TMEM131L: variants seen among roughly 807,000 people sequenced by gnomAD.
The protein encoded by TMEM131L is transmembrane 131 like.
A neutral mutation model predicts 192.2 loss-of-function variants in TMEM131L; 54 were observed. That is an observed-to-expected ratio of 0.28 (90% CI 0.23 to 0.35). TMEM131L has a LOEUF of 0.35. Among genes scored for constraint, TMEM131L ranks in the 10% least tolerant of loss-of-function variants. The pLI is 1.00. For synonymous variants in TMEM131L, 701 were observed against 704.9 expected (o/e 0.99, Z 0.09); for missense variants, 1,888 against 1,972.9 (o/e 0.96, Z 0.82).
chr4:153,469,003 G>A (rs551880476), intron 2 of TMEM131L, among the ~76,000 whole-genome samples: 8 of 152,138 alleles, frequency 5.3e-5, no homozygotes, highest in Non-Finnish European at 1.2e-4. Context: ...AGATTTAGTA[G>A]GTGTGCTCAG....
chr4:153,483,504 G>A (rs1016090375), intron 3 of TMEM131L, among the ~76,000 whole-genome samples: 1 of 151,956 alleles, frequency 6.6e-6, no homozygotes, highest in African/African-American at 2.4e-5. Flanking sequence ...CGATAGCAGC[G>A]TGGGTCACAA....
chr4:153,581,325 G>A (rs904366557), intron 8 of TMEM131L, 82 bp from the exon 9 acceptor site: 1 of 1,120,152 alleles, frequency 8.9e-7, no homozygotes, highest in Non-Finnish European at 1.3e-6. Context: ...TACGTTAAAT[G>A]CTTCTCCTTT....
chr4:153,605,954 T>A (rs76328453), intron 25 of TMEM131L, among the ~76,000 whole-genome samples: 4,296 of 152,260 alleles, frequency 0.028, 195 homozygotes, highest in African/African-American at 0.097. Context: ...AACCCGTTTG[T>A]ACCGTTTCCC....
At chr4:153,592,181 A>C (rs1391615119) in intron 17 of TMEM131L, among the ~76,000 whole-genome samples, 1 of 151,848 alleles carries the variant, frequency 6.6e-6, no homozygotes, top group Non-Finnish European at 1.5e-5. Context: ...AAGTGTTTTC[A>C]GAGATCCCAC....
chr4:153,573,541 T>C (rs375207774), intron 7 of TMEM131L, among the ~76,000 whole-genome samples: 11 of 152,356 alleles, frequency 7.2e-5, no homozygotes, highest in Middle Eastern at 3.4e-3. Context: ...CAGGTTGTAA[T>C]AGTTAAAAGC....
intron 25 of TMEM131L, among the ~76,000 whole-genome samples, chr4:153,609,233 T>TG (rs1470463257): frequency 6.6e-6 from 1 of 152,050 alleles, no homozygotes; most frequent in Non-Finnish European, 1.5e-5. Context: ...ACAGTTATGG[T>TG]GGAGGGGTAA....
At chr4:153,527,431 C>A (rs896137917) in intron 3 of TMEM131L, among the ~76,000 whole-genome samples, 3 of 152,078 alleles carry the variant, frequency 2.0e-5, no homozygotes, top group Admixed American at 6.5e-5. Flanking sequence ...CACCACCATG[C>A]CCGGCTAAGT....
intron 7 of TMEM131L, among the ~76,000 whole-genome samples, chr4:153,570,777 C>G (rs1402408836): frequency 2.0e-5 from 3 of 152,178 alleles, no homozygotes; most frequent in African/African-American, 7.2e-5. Flanking sequence ...CTTCTGAAAC[C>G]TGCTTCTTAG....
At chr4:153,533,833 C>T (rs751074029) in intron 3 of TMEM131L, among the ~76,000 whole-genome samples, 15 of 152,070 alleles carry the variant, frequency 9.9e-5, no homozygotes, top group Non-Finnish European at 1.6e-4. Flanking sequence ...TTACAGCATT[C>T]GTAATTTAGC....
At chr4:153,561,307 A>AT (rs1041555009) in intron 7 of TMEM131L, among the ~76,000 whole-genome samples, 6 of 152,042 alleles carry the variant, frequency 3.9e-5, no homozygotes, top group African/African-American at 9.7e-5. Context: ...GTTTGCAAAT[A>AT]TTTTCTCCCT....
intron 3 of TMEM131L, among the ~76,000 whole-genome samples, chr4:153,517,306 A>T (rs545880178): frequency 1.3e-5 from 2 of 152,190 alleles, no homozygotes; most frequent in Admixed American, 1.3e-4. Flanking sequence ...GACATCCCTT[A>T]ATCTAGGAAG....
At chr4:153,513,255 T>C (rs901414995) in intron 3 of TMEM131L, among the ~76,000 whole-genome samples, 3 of 152,220 alleles carry the variant, frequency 2.0e-5, no homozygotes, top group Non-Finnish European at 4.4e-5. Flanking sequence ...CATTTATTAA[T>C]ATATACTTAC....
intron 10 of TMEM131L, 52 bp downstream of exon 10, chr4:153,583,300 T>A: frequency 1.1e-6 from 1 of 951,832 alleles, no homozygotes; most frequent in Non-Finnish European, 1.7e-6. Context: ...AGTGTGCATT[T>A]AATTGTAGAA....
intron 3 of TMEM131L, among the ~76,000 whole-genome samples, chr4:153,532,079 T>A (rs1735940735): frequency 6.6e-6 from 1 of 152,214 alleles, no homozygotes; most frequent in African/African-American, 2.4e-5. Flanking sequence ...AGGGGTTATA[T>A]GTCAAATGGA....
chr4:153,507,711 CAAAACAAA>C (rs1430360941), intron 3 of TMEM131L, among the ~76,000 whole-genome samples: 1 of 151,890 alleles, frequency 6.6e-6, no homozygotes, highest in Non-Finnish European at 1.5e-5. Context: ...GAGTGAGATG[CAAAACAAA>C]AAAACAAACA....
chr4:153,626,447 C>T (rs1299181708), intron 30 of TMEM131L, among the ~76,000 whole-genome samples: 2 of 152,066 alleles, frequency 1.3e-5, no homozygotes, highest in African/African-American at 4.8e-5. Flanking sequence ...AGACAGGTAG[C>T]CACGTTGGAA....
intron 3 of TMEM131L, among the ~76,000 whole-genome samples, chr4:153,529,571 G>A (rs1201158604): frequency 6.6e-6 from 1 of 152,166 alleles, no homozygotes; most frequent in Non-Finnish European, 1.5e-5. Flanking sequence ...ATCCTTGGGG[G>A]GAAAATCTTA....
intron 3 of TMEM131L, among the ~76,000 whole-genome samples, chr4:153,521,558 T>C (rs1735112766): frequency 6.6e-6 from 1 of 152,206 alleles, no homozygotes; most frequent in African/African-American, 2.4e-5. Context: ...TTGACCATTT[T>C]TAAGTGTACA....
chr4:153,502,972 TC>T, intron 3 of TMEM131L, among the ~76,000 whole-genome samples: 1 of 103,104 alleles, frequency 9.7e-6, no homozygotes, highest in Admixed American at 1.0e-4. Context: ...TGCAGGGTCA[TC>T]TTTTTTTTTT....
Sources: gnomAD v4.1 joint callset for allele counts (sites outside exome capture counted in the v4.1 genomes callset) on GRCh38, gnomAD v4.1.1 for gene constraint, MANE v1.5 for transcripts, NCBI Gene and HGNC (gene_info 2026-07-23, HGNC 2026-07-21) for gene names.